EPHA5: variants seen among roughly 807,000 people sequenced by gnomAD.
EPHA5 encodes ephrin type-A receptor 5.
In EPHA5, 60 loss-of-function variants were observed where a neutral mutation model predicts 105.0. The ratio of observed to expected loss-of-function variants is 0.57; its 90% CI spans 0.46 to 0.71. The LOEUF (loss-of-function observed/expected upper bound fraction) is 0.71, where lower values mean the gene tolerates loss of function less well. EPHA5 is among the 30% of genes least tolerant of loss of function. The probability of loss-of-function intolerance (pLI) is 0.00; values close to 1 mark genes in which losing one functional copy is unlikely to be tolerated. For synonymous variants in EPHA5, 513 were observed against 449.1 expected (o/e 1.14, Z -1.80); for missense variants, 1,218 against 1,274.7 (o/e 0.96, Z 0.68).
At position 65,328,603 on chromosome 4, in the gene EPHA5, T is replaced by A. The variant is rs925469412; in HGVS notation, c.2945+3370A>T. ...AATGAATATTCCCCAAACTTCAATA[T>A]TTATTGCTTTTGTCAGAGTTTTATC... On this transcript the variant is annotated intron_variant, in intron 16 of 16. Transcript: ENST00000613740. Among the ~76,000 whole-genome samples, 3 of 151,092 alleles carry A rather than the reference T, an allele frequency of 2.0e-5. No homozygotes were observed. In the Admixed American group the frequency reaches 2.0e-4, roughly 10 times the overall value.
chr4:65,384,782 C>A (rs191385009), intron 8 of EPHA5, among the ~76,000 whole-genome samples: 2 of 151,882 alleles, frequency 1.3e-5, no homozygotes, highest in Non-Finnish European at 2.9e-5. Flanking sequence ...TTGCAATCAA[C>A]GACCATCTTA....
intron 3 of EPHA5, among the ~76,000 whole-genome samples, chr4:65,541,752 T>G (rs771385590): frequency 3.3e-5 from 5 of 150,026 alleles, no homozygotes; most frequent in Non-Finnish European, 7.5e-5. Context: ...TAAGTGGATT[T>G]ATCTACAGAG....
Position 65,601,745 on chromosome 4 carries a change from T to C in EPHA5, c.806A>G (p.Asp269Gly), listed in dbSNP as rs1743749459. The change falls in exon 3 of 17, where the codon GAT becomes GGT. Residue 269 changes from aspartate (D) to glycine (G), a missense_variant. Physicochemically the swap from Asp to Gly is moderately conservative, Grantham distance 94. Coordinates refer to ENST00000613740, the MANE Select transcript of EPHA5 (RefSeq NM_001281766.3). ...GCTGCAGTGCATTTTGGGAGGTTCATCGGTCACAGAATGGTTGACACAGGA... is the reference window on the plus strand; with the variant it reads ...GCTGCAGTGCATTTTGGGAGGTTCACCGGTCACAGAATGGTTGACACAGGA... ...SGSCVNHSVT[D>G]EPPKMHCSAE... 3 of 1,613,996 alleles carry C rather than the reference T, an allele frequency of 1.9e-6. No individual in the cohort carries two copies. The highest frequency in any genetic ancestry group is 2.7e-5 in the African/African-American group (2 of 74,904).
chr4:65,603,053 C>A (rs956786063), intron 2 of EPHA5, among the ~76,000 whole-genome samples: 1 of 151,996 alleles, frequency 6.6e-6, no homozygotes. Context: ...TAGCTAACTT[C>A]TTGCGATATG....
intron 2 of EPHA5, among the ~76,000 whole-genome samples, chr4:65,642,565 A>G (rs1747759351): frequency 1.3e-5 from 2 of 152,032 alleles, no homozygotes; most frequent in Admixed American, 1.3e-4. Context: ...GATGAAAAAC[A>G]TAAAAGCCCA....
At chr4:65,431,699 A>G (rs1346063071) in intron 5 of EPHA5, among the ~76,000 whole-genome samples, 4 of 152,158 alleles carry the variant, frequency 2.6e-5, no homozygotes, top group Non-Finnish European at 4.4e-5. Context: ...GCCAGTGACC[A>G]TACAGCTGGG....
intron 8 of EPHA5, among the ~76,000 whole-genome samples, chr4:65,394,696 T>G (rs969094683): frequency 2.0e-5 from 3 of 152,080 alleles, no homozygotes; most frequent in Non-Finnish European, 4.4e-5. Context: ...TTCTTACAAT[T>G]TTTAAGAAAC....
In EPHA5 at chr4:65,322,613, T is replaced by G. The variant is rs1719724443; in HGVS notation, c.*1501A>C. 1 of 224,772 alleles carries G rather than the reference T, an allele frequency of 4.4e-6. No homozygotes were observed. The highest frequency in any genetic ancestry group is 8.9e-6 in the Non-Finnish European group (1 of 112,732). The allele number at this position is 224,772 out of a possible 1,614,324, so 13.9% of individuals were successfully genotyped here. A position where few individuals can be genotyped will look rare whatever the true frequency, so the allele number is the denominator to read the frequency against. On this transcript the variant is annotated 3_prime_UTR_variant, in exon 17 of 17. Transcript: ENST00000613740. ...ATAATTTGTATCACAAATATAAGTC[T>G]TCATCATGTGTGGTATATAGAGCAT...
intron 15 of EPHA5, among the ~76,000 whole-genome samples, chr4:65,334,116 C>A (rs374831815): frequency 6.6e-6 from 1 of 151,898 alleles, no homozygotes; most frequent in Non-Finnish European, 1.5e-5. Flanking sequence ...ACTCCAAAAC[C>A]AAACACACAA....
At chr4:65,574,880 C>T (rs545145827) in intron 3 of EPHA5, among the ~76,000 whole-genome samples, 1 of 151,162 alleles carries the variant, frequency 6.6e-6, no homozygotes, top group Non-Finnish European at 1.5e-5. Flanking sequence ...AATGGGCTCT[C>T]TGGCATCTCA....
intron 3 of EPHA5, among the ~76,000 whole-genome samples, chr4:65,589,789 A>C (rs950579165): frequency 2.0e-5 from 3 of 152,208 alleles, no homozygotes; most frequent in African/African-American, 7.2e-5. Flanking sequence ...GGACCAAGTA[A>C]TTATGTTGCT....
intron 2 of EPHA5, among the ~76,000 whole-genome samples, chr4:65,643,050 T>C (rs1463790612): frequency 6.6e-6 from 1 of 152,062 alleles, no homozygotes; most frequent in African/African-American, 2.4e-5. Context: ...ATCTTTAATA[T>C]AAACTAATTC....
intron 3 of EPHA5, among the ~76,000 whole-genome samples, chr4:65,554,723 A>T (rs1560689818): frequency 6.6e-6 from 1 of 151,808 alleles, no homozygotes; most frequent in Non-Finnish European, 1.5e-5. Context: ...TTTTTACTCT[A>T]TAAAATGTTA....
At chr4:65,551,111 A>C (rs949730832) in intron 3 of EPHA5, among the ~76,000 whole-genome samples, 2 of 151,694 alleles carry the variant, frequency 1.3e-5, no homozygotes, top group African/African-American at 2.4e-5. Context: ...TATATATGAA[A>C]TATATTTACA....
intron 11 of EPHA5, among the ~76,000 whole-genome samples, chr4:65,357,442 A>G (rs1371789219): frequency 2.0e-5 from 3 of 151,522 alleles, no homozygotes; most frequent in Non-Finnish European, 3.0e-5. Flanking sequence ...TTGTGTTAAT[A>G]CAAACTTGGG....
At chr4:65,522,316 G>GTGTATATATATATATATATATA (rs777066757) in intron 3 of EPHA5, among the ~76,000 whole-genome samples, 10 of 142,860 alleles carry the variant, frequency 7.0e-5, no homozygotes, top group Non-Finnish European at 1.5e-4. Context: ...ATATATATAT[G>GTGTATATATATATATATATATA]TATATATATA....
chr4:65,418,573 C>T (rs1159453894), intron 6 of EPHA5, among the ~76,000 whole-genome samples: 6 of 152,022 alleles, frequency 3.9e-5, no homozygotes, highest in African/African-American at 9.7e-5. Flanking sequence ...ATTTATGTTT[C>T]GGAATTATCT....
At chr4:65,373,952 G>A (rs1242567162) in intron 8 of EPHA5, among the ~76,000 whole-genome samples, 1 of 151,826 alleles carries the variant, frequency 6.6e-6, no homozygotes, top group Non-Finnish European at 1.5e-5. Context: ...ATTTTAGATG[G>A]ATTTATAATA....
chr4:65,669,465 TGCA>T, intron 1 of EPHA5, 94 bp downstream of exon 1: 1 of 1,263,054 alleles, frequency 7.9e-7, no homozygotes, highest in Non-Finnish European at 1.0e-6. Flanking sequence ...CGATTTAGTC[TGCA>T]GCAGCAGCGT....
Sources: gnomAD v4.1 joint callset for allele counts (sites outside exome capture counted in the v4.1 genomes callset) on GRCh38, gnomAD v4.1.1 for gene constraint, MANE v1.5 for transcripts, NCBI Gene and HGNC (gene_info 2026-07-23, HGNC 2026-07-21) for gene names.